Variants in DHX35 observed in about 807,000 individuals in gnomAD.
DHX35 encodes DEAH-box helicase 35.
In DHX35, 84 loss-of-function variants were observed where a neutral mutation model predicts 99.6. The ratio of observed to expected loss-of-function variants is 0.84; its 90% CI spans 0.71 to 1.01. The LOEUF (loss-of-function observed/expected upper bound fraction) is 1.01. Among genes scored for constraint, DHX35 ranks in the 50% least tolerant of loss-of-function variants. DHX35 has a pLI of 0.00. For synonymous variants in DHX35, 331 were observed against 316.2 expected (o/e 1.05, Z -0.50); for missense variants, 852 against 888.5 (o/e 0.96, Z 0.52).
Position 39,001,726 on chromosome 20 carries a change from T to C in DHX35, c.643-4T>C, listed in dbSNP as rs2086522880. On this transcript the variant is annotated splice_polypyrimidine_tract_variant and splice_region_variant and intron_variant, in intron 8 of 21. Transcript: ENST00000252011. ...AAATGAAGAATTAATTTTTTTCTTT[T>C]TAGAAATTCCGGGATTTCTTTAATC... 1.9e-6 allele frequency: 3 copies of C among 1,599,618 alleles called. No homozygotes were observed. The highest frequency in any genetic ancestry group is 2.6e-6 in the Non-Finnish European group (3 of 1,173,442).
intron 16 of DHX35, among the ~76,000 whole-genome samples, chr20:39,022,652 TAAG>T (rs1292715581): frequency 2.0e-5 from 3 of 152,170 alleles, no homozygotes; most frequent in Admixed American, 6.5e-5. Flanking sequence ...ATTAGTGACA[TAAG>T]AAGTCAGGTG....
intron 21 of DHX35, among the ~76,000 whole-genome samples, chr20:39,035,748 C>T (rs1224747748): frequency 6.6e-6 from 1 of 152,182 alleles, no homozygotes; most frequent in Non-Finnish European, 1.5e-5. Context: ...CTCTTGGAGA[C>T]ATTTGAATTT....
chr20:39,016,232 C>T lies in DHX35; in HGVS notation c.1402+1298C>T, dbSNP rs147368441. 5.7e-3 allele frequency among the ~76,000 whole-genome samples: 873 copies of T among 152,224 alleles called. 5 individuals carry two copies. The highest frequency in any genetic ancestry group is 0.01 in the Non-Finnish European group (695 of 68,016). On this transcript the variant is annotated intron_variant, in intron 14 of 21. Transcript: ENST00000252011. ...AGAGGAAGCCAGGCTCTTTTAAGAACCTGCTGTCATGGGAACTAATCCATT... is the reference window on the plus strand; with the variant it reads ...AGAGGAAGCCAGGCTCTTTTAAGAATCTGCTGTCATGGGAACTAATCCATT...
intron 8 of DHX35, among the ~76,000 whole-genome samples, chr20:39,000,429 A>G (rs1352737945): frequency 1.3e-5 from 2 of 152,152 alleles, no homozygotes; most frequent in African/African-American, 4.8e-5. Flanking sequence ...TGTCATAGGG[A>G]TGCAGGAAGG....
intron 3 of DHX35, among the ~76,000 whole-genome samples, chr20:38,980,511 G>GTTTTTTTTTTTTTTTTTTTTTTT (rs397953645): frequency 3.6e-5 from 5 of 136,994 alleles, no homozygotes; most frequent in African/African-American, 1.3e-4. Flanking sequence ...TTATAGTTCT[G>GTTTTTTTTTTTTTTTTTTTTTTT]TTTTTTTTTT....
At position 39,010,768 on chromosome 20, in the gene DHX35, T is replaced by G. The variant is rs547413118; in HGVS notation, c.1347+364T>G. 9.9e-5 allele frequency among the ~76,000 whole-genome samples: 15 copies of G among 152,266 alleles called. No homozygotes were observed. In the East Asian group the frequency reaches 2.9e-3, roughly 29 times the overall value. ...GTGGAGAGTTCCAGGACAGCTAGTCTTTGTAGAGGCCTAGATGCAGGAGTA... is the reference window on the plus strand; with the variant it reads ...GTGGAGAGTTCCAGGACAGCTAGTCGTTGTAGAGGCCTAGATGCAGGAGTA... On this transcript the variant is annotated intron_variant, in intron 13 of 21. Transcript: ENST00000252011.
intron 21 of DHX35, 101 bp downstream of exon 21, chr20:39,034,418 C>A: frequency 1.0e-6 from 1 of 969,076 alleles, no homozygotes; most frequent in Non-Finnish European, 1.6e-6. Context: ...TGTGTGTTCC[C>A]CCTAGGGGTG....
In DHX35 at chr20:39,020,560, T is replaced by A. The variant is rs565523339; in HGVS notation, c.1499-1281T>A. 1.2e-4 allele frequency among the ~76,000 whole-genome samples: 19 copies of A among 152,310 alleles called. 1 individual carries two copies. The South Asian group carries it at 1.7e-3, about 13-fold the overall frequency. On this transcript the variant is annotated intron_variant, in intron 15 of 21. Coordinates refer to ENST00000252011, the MANE Select transcript of DHX35 (RefSeq NM_021931.4). ...TCTAACTTTTATGTCAACTAGCAATTTATGAAGATGTACTTTAGACCCAGT... is the reference window on the plus strand; with the variant it reads ...TCTAACTTTTATGTCAACTAGCAATATATGAAGATGTACTTTAGACCCAGT...
At chr20:39,024,530 G>A (rs914643195) in intron 17 of DHX35, among the ~76,000 whole-genome samples, 2 of 152,188 alleles carry the variant, frequency 1.3e-5, no homozygotes, top group African/African-American at 4.8e-5. Flanking sequence ...GCTTAAATCA[G>A]TTAAAATTCA....
chr20:39,010,150 AT>A (rs1275438382), intron 12 of DHX35, 129 bp from the exon 13 acceptor site: 1 of 1,176,212 alleles, frequency 8.5e-7, no homozygotes, highest in Non-Finnish European at 1.2e-6. Context: ...ATATCATGGT[AT>A]CATGTGCATC....
At chr20:39,015,311 CTA>C (rs2086767538) in intron 14 of DHX35, among the ~76,000 whole-genome samples, 1 of 152,198 alleles carries the variant, frequency 6.6e-6, no homozygotes, top group Non-Finnish European at 1.5e-5. Flanking sequence ...TATTCTCTCC[CTA>C]AATCCTCTTC....
At chr20:38,962,540 C>A in intron 1 of DHX35, 133 bp downstream of exon 1, 1 of 1,162,834 alleles carries the variant, frequency 8.6e-7, no homozygotes. Flanking sequence ...CGCCTCTGTG[C>A]GGGGGGAGCT....
At chr20:39,009,638 G>A (rs555220331) in intron 12 of DHX35, among the ~76,000 whole-genome samples, 17 of 151,980 alleles carry the variant, frequency 1.1e-4, no homozygotes, top group African/African-American at 3.1e-4. Flanking sequence ...TTATAAAAAG[G>A]CCTTCTTCCA....
chr20:38,963,725 T>C (rs1483288968), intron 1 of DHX35, among the ~76,000 whole-genome samples: 2 of 152,352 alleles, frequency 1.3e-5, no homozygotes, highest in Non-Finnish European at 1.5e-5. Flanking sequence ...AGTTCATCCA[T>C]TGAGGGTACA....
rs1442745499 is a variant in DHX35 at position 39,038,758 on chromosome 20, C to T, written c.*215C>T. ...GAGGACTTTGTGCATGGGCAGGCAT[C>T]CTTCTGTGCTGCAGCGGGCAGAGTG... On this transcript the variant is annotated 3_prime_UTR_variant, in exon 22 of 22. Transcript: ENST00000252011. 1 of 593,686 alleles carries T rather than the reference C, an allele frequency of 1.7e-6. No individual in the cohort carries two copies. Among genetic ancestry groups the T allele is most frequent in the Non-Finnish European group, 3.0e-6 (1 of 334,322 alleles). The allele number at this position is 593,686 out of a possible 1,614,324, so 36.8% of individuals were successfully genotyped here. A position where few individuals can be genotyped will look rare whatever the true frequency, so the allele number is the denominator to read the frequency against.
intron 12 of DHX35, among the ~76,000 whole-genome samples, chr20:39,006,972 T>C (rs2086628973): frequency 6.6e-6 from 1 of 152,238 alleles, no homozygotes; most frequent in Non-Finnish European, 1.5e-5. Flanking sequence ...GACCCAGAGC[T>C]GCTCTTTCTC....
In DHX35 at chr20:38,997,234, T is replaced by C. The variant is rs188700572; in HGVS notation, c.642+2354T>C. ...TGCAGGCATGAGCCACCATGCCTGGTTAATTTTTGTATTTTTAGTAGAGAT... is the reference window on the plus strand; with the variant it reads ...TGCAGGCATGAGCCACCATGCCTGGCTAATTTTTGTATTTTTAGTAGAGAT... On this transcript the variant is annotated intron_variant, in intron 8 of 21. Transcript: ENST00000252011. Among the ~76,000 whole-genome samples the C allele has an allele frequency of 2.3e-3, 354 of 151,976 alleles. 2 individuals are homozygous for C. The highest frequency in any genetic ancestry group is 7.6e-3 in the African/African-American group (315 of 41,466).
At chr20:38,962,586 G>C in intron 1 of DHX35, 179 bp downstream of exon 1, 1 of 720,420 alleles carries the variant, frequency 1.4e-6, no homozygotes, top group Admixed American at 2.9e-5. Flanking sequence ...GAGGGATTTG[G>C]GGGTGCTCCC....
intron 8 of DHX35, among the ~76,000 whole-genome samples, chr20:38,996,872 A>G (rs1432979500): frequency 2.0e-5 from 3 of 151,826 alleles, no homozygotes; most frequent in Admixed American, 6.6e-5. Context: ...CTGGCATGCT[A>G]TTTTGTGGAC....
Sources: allele counts gnomAD v4.1 joint callset (sites outside exome capture counted in the v4.1 genomes callset), GRCh38; gene constraint gnomAD v4.1.1; transcripts MANE v1.5; gene names NCBI Gene and HGNC (gene_info 2026-07-23, HGNC 2026-07-21).